Variants in ERG observed in about 807,000 individuals in gnomAD.
ERG encodes transcriptional regulator ERG.
In ERG, 9 loss-of-function variants were observed where a neutral mutation model predicts 55.3. The ratio of observed to expected loss-of-function variants is 0.16; its 90% CI spans 0.10 to 0.28. ERG has a LOEUF of 0.28. Ranked by LOEUF, ERG falls within the 10% of genes least tolerant of loss-of-function variation. ERG has a pLI of 1.00. For missense variants in ERG, 434 were observed against 631.6 expected (o/e 0.69, Z 3.35); for synonymous variants, 223 against 237.3 (o/e 0.94, Z 0.55).
At chr21:38,491,153 T>C (rs2059331925) in intron 1 of ERG, among the ~76,000 whole-genome samples, 1 of 151,842 alleles carries the variant, frequency 6.6e-6, no homozygotes, top group Non-Finnish European at 1.5e-5. Context: ...AAAGTGTTGT[T>C]TCAACAGTTT....
intron 2 of ERG, among the ~76,000 whole-genome samples, chr21:38,556,901 C>A (rs1251400235): frequency 6.6e-6 from 1 of 152,182 alleles, no homozygotes; most frequent in African/African-American, 2.4e-5. Context: ...TATTAGCCTA[C>A]CCTGATTAAC....
intron 1 of ERG, among the ~76,000 whole-genome samples, chr21:38,579,679 A>G (rs1249258662): frequency 6.6e-6 from 1 of 152,172 alleles, no homozygotes; most frequent in Non-Finnish European, 1.5e-5. Context: ...GAGTGATCAC[A>G]CACCAAAGGG....
downstream of ERG, among the ~76,000 whole-genome samples, chr21:38,376,364 C>G (rs564777879): frequency 2.6e-5 from 4 of 152,300 alleles, no homozygotes; most frequent in South Asian, 8.3e-4. Context: ...AGTTGTTACT[C>G]TCGCTCTCTC....
chr21:38,456,227 G>A (rs1280083683), intron 1 of ERG, among the ~76,000 whole-genome samples: 1 of 152,162 alleles, frequency 6.6e-6, no homozygotes, highest in Non-Finnish European at 1.5e-5. Context: ...TATGCATCCA[G>A]GTTAGATGCT....
Position 38,400,623 on chromosome 21 carries a change from T to A in ERG, c.696A>T (p.Pro232=). Residue 232 remains proline (P), a synonymous_variant, in exon 6 of 10, where the codon CCA becomes CCT. Transcript: ENST00000288319. The stretch of plus-strand genomic sequence containing the variant: ...TAGCTTCAGGATATACTGAAGTATT[T>A]GGGAAAATAAAAGCTGCACCCCCTG... The part of the protein sequence containing the change: ...RNTGGAAFIF[P]NTSVYPEATQ... 6.2e-7 allele frequency: 1 copy of A among 1,606,588 alleles called. No individual in the cohort carries two copies. The highest frequency in any genetic ancestry group is 1.3e-5 in the African/African-American group (1 of 74,866).
intron 1 of ERG, among the ~76,000 whole-genome samples, chr21:38,613,724 A>G (rs1454589102): frequency 6.6e-6 from 1 of 152,186 alleles, no homozygotes; most frequent in Admixed American, 6.5e-5. Flanking sequence ...GAGGGCCTGA[A>G]GTTGCTCCAT....
chr21:38,431,790 A>G (rs2146526452), intron 2 of ERG, among the ~76,000 whole-genome samples: 1 of 152,380 alleles, frequency 6.6e-6, no homozygotes, highest in Non-Finnish European at 1.5e-5. Context: ...ATTATGCAGT[A>G]AACAATATCG....
At chr21:38,638,785 A>C (rs1391635121) in intron 1 of ERG, among the ~76,000 whole-genome samples, 1 of 152,124 alleles carries the variant, frequency 6.6e-6, no homozygotes, top group Non-Finnish European at 1.5e-5. Flanking sequence ...TGTTGGAGAA[A>C]GGGGAAATTC....
intron 1 of ERG, among the ~76,000 whole-genome samples, chr21:38,469,772 T>G (rs920741175): frequency 2.0e-5 from 3 of 152,244 alleles, no homozygotes; most frequent in African/African-American, 7.2e-5. Context: ...TAAAGCTGTG[T>G]TGGAGTAGTC....
At chr21:38,496,619 G>A (rs2050064283) in intron 1 of ERG, among the ~76,000 whole-genome samples, 3 of 152,268 alleles carry the variant, frequency 2.0e-5, no homozygotes, top group Non-Finnish European at 2.9e-5. Context: ...AACACATAAT[G>A]CAATGTAATA....
chr21:38,402,712 CAAA>C (rs759434219), intron 4 of ERG, 75 bp from the exon 5 acceptor site: 2,279 of 163,754 alleles, frequency 0.014, no homozygotes, highest in Middle Eastern at 0.023. Context: ...ACCTTTCTTA[CAAA>C]AAAAAAAAAA....
upstream of ERG, among the ~76,000 whole-genome samples, chr21:38,585,202 T>A (rs1191567512): frequency 6.6e-6 from 1 of 152,220 alleles, no homozygotes; most frequent in African/African-American, 2.4e-5. Flanking sequence ...AGCACACAGA[T>A]GCTTTTGCAC....
At chr21:38,587,027 A>G (rs7281219), upstream of ERG, among the ~76,000 whole-genome samples, 235 of 152,356 alleles carry the variant, frequency 1.5e-3, no homozygotes, top group African/African-American at 5.2e-3. Flanking sequence ...AAATGAAATA[A>G]GCCAGGCACA....
At chr21:38,396,562 A>C (rs1988229624) in intron 6 of ERG, among the ~76,000 whole-genome samples, 1 of 152,232 alleles carries the variant, frequency 6.6e-6, no homozygotes, top group South Asian at 2.1e-4. Flanking sequence ...TAACTCTCTA[A>C]TCTCTTTTGA....
upstream of ERG, among the ~76,000 whole-genome samples, chr21:38,588,740 A>G (rs1290250445): frequency 6.6e-6 from 1 of 152,126 alleles, no homozygotes; most frequent in African/African-American, 2.4e-5. Flanking sequence ...TTGTTTTGAT[A>G]CAGGATTCTC....
chr21:38,557,557 G>GA (rs952275046), intron 2 of ERG, among the ~76,000 whole-genome samples: 7 of 151,556 alleles, frequency 4.6e-5, no homozygotes, highest in Admixed American at 2.0e-4. Context: ...ATATTAGCTT[G>GA]AAAAAAAACT....
At chr21:38,657,197 G>A (rs1311927561) in intron 1 of ERG, among the ~76,000 whole-genome samples, 2 of 152,154 alleles carry the variant, frequency 1.3e-5, no homozygotes, top group African/African-American at 4.8e-5. Context: ...GTCTCATATA[G>A]CCATTCTGAA....
intron 1 of ERG, among the ~76,000 whole-genome samples, chr21:38,638,558 A>C (rs896276952): frequency 2.6e-5 from 4 of 152,258 alleles, no homozygotes; most frequent in Non-Finnish European, 5.9e-5. Context: ...AGAAGAGACA[A>C]CAGCCTGTGG....
chr21:38,491,842 G>A (rs2146677679), intron 1 of ERG, among the ~76,000 whole-genome samples: 1 of 152,290 alleles, frequency 6.6e-6, no homozygotes, highest in East Asian at 1.9e-4. Flanking sequence ...CTGCCCCTTG[G>A]ATCTCGCCAA....
Sources: allele counts gnomAD v4.1 joint callset (sites outside exome capture counted in the v4.1 genomes callset), GRCh38; gene constraint gnomAD v4.1.1; transcripts MANE v1.5; gene names NCBI Gene and HGNC (gene_info 2026-07-23, HGNC 2026-07-21).